Variants in ARHGEF12 observed in about 807,000 individuals in gnomAD.
The protein encoded by ARHGEF12 is KMT2A/ARHGEF12 fusion protein.
In ARHGEF12, 66 loss-of-function variants were observed where a neutral mutation model predicts 211.2. That is an observed-to-expected ratio of 0.31 (90% confidence interval 0.26 to 0.38). The LOEUF is 0.38. ARHGEF12 is among the 10% of genes least tolerant of loss of function. The pLI, the probability that ARHGEF12 is intolerant of heterozygous loss-of-function variation, is 1.00. For synonymous variants in ARHGEF12, 592 were observed against 638.4 expected, an observed-to-expected ratio of 0.93 and a Z score of 1.09; for missense variants, 1,429 against 1,869.5, an observed-to-expected ratio of 0.76 and a Z score of 4.34.
intron 1 of ARHGEF12, among the ~76,000 whole-genome samples, chr11:120,400,663 T>G (rs1944527681): frequency 6.6e-6 from 1 of 152,236 alleles, no homozygotes; most frequent in Non-Finnish European, 1.5e-5. Context: ...ACATTAATTG[T>G]GAGCTGCATT....
At chr11:120,404,940 G>C (rs1158297130) in intron 1 of ARHGEF12, among the ~76,000 whole-genome samples, 1 of 152,138 alleles carries the variant, frequency 6.6e-6, no homozygotes, top group Non-Finnish European at 1.5e-5. Flanking sequence ...TTGTTCTCTA[G>C]AGCAGTGTCA....
At position 120,489,852 on chromosome 11, in the gene ARHGEF12, C is replaced by T. The variant is rs912479537; in HGVS notation, c.*4775C>T. ...AGATACAGATACATATCTGGTGGAA[C>T]AAAGAAATACCTGTACCATTCCCAC... On this transcript the variant is annotated 3_prime_UTR_variant, in exon 41 of 41. Coordinates refer to ENST00000397843, the MANE Select transcript of ARHGEF12 (RefSeq NM_015313.3). 2 of 185,294 alleles carry T rather than the reference C, an allele frequency of 1.1e-5. No homozygotes were observed. Among genetic ancestry groups the T allele is most frequent in the African/African-American group, 4.7e-5 (2 of 42,606 alleles). The allele number at this position is 185,294 out of a possible 1,614,324, so 11.5% of individuals were successfully genotyped here.
intron 3 of ARHGEF12, 105 bp from the exon 4 acceptor site, chr11:120,409,289 C>A: frequency 1.8e-6 from 2 of 1,124,928 alleles, no homozygotes; most frequent in South Asian, 1.4e-5. Context: ...TGTGTTTGCA[C>A]GATTTAACTT....
intron 39 of ARHGEF12, among the ~76,000 whole-genome samples, chr11:120,482,843 T>G (rs963370339): frequency 6.6e-6 from 1 of 152,194 alleles, no homozygotes; most frequent in Non-Finnish European, 1.5e-5. Context: ...AGGGGTAGAT[T>G]TAAGTATCCT....
intron 4 of ARHGEF12, among the ~76,000 whole-genome samples, chr11:120,419,018 G>C (rs1945107634): frequency 1.3e-5 from 2 of 151,180 alleles, no homozygotes; most frequent in Admixed American, 1.3e-4. Flanking sequence ...CTGTCGCCCA[G>C]GCTGGACCCG....
In ARHGEF12 at chr11:120,427,921, G is replaced by T. The variant is rs976653533; in HGVS notation, c.407-148G>T. The T allele has an allele frequency of 2.2e-5, 13 of 585,086 alleles. No individual in the cohort carries two copies. The Middle Eastern group carries it at 1.6e-3, about 71-fold the overall frequency. The allele number at this position is 585,086 out of a possible 1,614,324, so 36.2% of individuals were successfully genotyped here. On this transcript the variant is annotated intron_variant, in intron 7 of 40. Transcript: ENST00000397843. ...AAATGACAAATTAGTTTTTTTTTCT[G>T]TGGAGACATGATGTAGCAGATGATG...
At chr11:120,363,213 T>C (rs1943327940) in intron 1 of ARHGEF12, among the ~76,000 whole-genome samples, 1 of 152,266 alleles carries the variant, frequency 6.6e-6, no homozygotes, top group Non-Finnish European at 1.5e-5. Context: ...GAATGGTTTT[T>C]AATTATTTCC....
rs1479602550 is a variant in ARHGEF12, at chr11:120,346,703, T to C, written c.32+9428T>C. Among the ~76,000 whole-genome samples, 4 of 152,076 alleles carry C rather than the reference T, an allele frequency of 2.6e-5. No individual in the cohort carries two copies. The East Asian group carries it at 5.8e-4, about 22-fold the overall frequency. On this transcript the variant is annotated intron_variant, in intron 1 of 40. Coordinates refer to ENST00000397843, the MANE Select transcript of ARHGEF12 (RefSeq NM_015313.3). ...TTATTTGGAGTCTATGAAAGTTTCT[T>C]TTTTTTTAGTGGGAAATTCAAACAT... is the stretch of plus-strand genomic sequence containing the variant.
intron 1 of ARHGEF12, among the ~76,000 whole-genome samples, chr11:120,353,857 G>A (rs1943061428): frequency 6.6e-6 from 1 of 152,144 alleles, no homozygotes; most frequent in Non-Finnish European, 1.5e-5. Flanking sequence ...ACCTGTTTAT[G>A]CATTTCAATT....
In ARHGEF12 at chr11:120,449,196, C is replaced by T. The variant is rs1051039253; in HGVS notation, c.1825C>T (p.Arg609Cys). Residue 609 changes from arginine (R) to cysteine (C), a missense_variant, in exon 21 of 41, where the codon CGT becomes TGT. Physicochemically the swap from Arg to Cys is radical, Grantham distance 180. Around this residue, in one of 7 missense-constraint regions of ARHGEF12, gnomAD observed 373 missense variants for 467.5 expected, o/e 0.80. Transcript: ENST00000397843. ...CCTGGGACCCCCACGGAGACCAAGC[C>T]GTCATGACAACAGTGCAAGTATGTT... ...SILGPPRRPS[R>C]HDNSAIGRAM... is the part of the protein sequence containing the mutation. 3 of 1,613,902 alleles carry T rather than the reference C, an allele frequency of 1.9e-6. No individual in the cohort carries two copies. The highest frequency in any genetic ancestry group is 1.7e-6 in the Non-Finnish European group (2 of 1,179,970).
In ARHGEF12 at chr11:120,367,353, C is replaced by CTTTTTTTTTTTT. The variant is rs1025919456; in HGVS notation, c.32+30097_32+30108dup. ...AAAAAATCTGTTAGGATACTTTTTC[C>CTTTTTTTTTTTT]TTTTTTTTTTTTTTTTTTTTTTTTT... On this transcript the variant is annotated intron_variant, in intron 1 of 40. Transcript: ENST00000397843. Among the ~76,000 whole-genome samples the CTTTTTTTTTTTT allele has an allele frequency of 7.7e-3, 459 of 59,346 alleles. 119 individuals are homozygous for CTTTTTTTTTTTT. Among genetic ancestry groups the CTTTTTTTTTTTT allele is most frequent in the African/African-American group, 0.024 (308 of 12,944 alleles). The allele number at this position is 59,346 out of a possible 152,430, so 38.9% of individuals were successfully genotyped here. A position where few individuals can be genotyped will look rare whatever the true frequency, so the allele number is the denominator to read the frequency against.
rs59459827 is a variant in ARHGEF12, at chr11:120,446,198, AAATAATAATAAT to A, written c.1346-176_1346-165del. Among the ~76,000 whole-genome samples the A allele has an allele frequency of 1.6e-3, 230 of 140,346 alleles. 2 individuals are homozygous for A. In the East Asian group the frequency reaches 0.021, roughly 13 times the overall value. 92.1% of individuals were successfully genotyped at this position (140,346 alleles called of 152,430 possible). ...GGGCAACAGAGCAAGACTCCATCTC[AAATAATAATAAT>A]AATAATAATAATAATAATAATAATA... On this transcript the variant is annotated intron_variant, in intron 16 of 40. Coordinates refer to ENST00000397843, the MANE Select transcript of ARHGEF12 (RefSeq NM_015313.3).
intron 11 of ARHGEF12, among the ~76,000 whole-genome samples, chr11:120,434,575 A>G (rs1945641056): frequency 6.6e-6 from 1 of 152,108 alleles, no homozygotes; most frequent in South Asian, 2.1e-4. Flanking sequence ...GCGGTTTTAC[A>G]TTTTATCTTT....
chr11:120,472,716 G>A (rs768524723), intron 30 of ARHGEF12, among the ~76,000 whole-genome samples: 4 of 151,826 alleles, frequency 2.6e-5, no homozygotes, highest in Non-Finnish European at 5.9e-5. Flanking sequence ...GTGCAGTGGC[G>A]TGATCTCGGC....
intron 26 of ARHGEF12, 84 bp downstream of exon 26, chr11:120,459,404 A>G (rs1411833899): frequency 5.1e-6 from 7 of 1,385,178 alleles, no homozygotes; most frequent in East Asian, 2.3e-5. Context: ...AAATGTACCC[A>G]TGTTAGTATT....
At chr11:120,347,132 T>TTTCTTTCCTTCC (rs1942759011) in intron 1 of ARHGEF12, among the ~76,000 whole-genome samples, 2 of 115,604 alleles carry the variant, frequency 1.7e-5, no homozygotes, top group Admixed American at 1.7e-4. Flanking sequence ...TCTTTCTTTC[T>TTTCTTTCCTTCC]TTCCTTCCTT....
At chr11:120,437,671 A>G (rs1945734993) in intron 12 of ARHGEF12, among the ~76,000 whole-genome samples, 1 of 152,178 alleles carries the variant, frequency 6.6e-6, no homozygotes, top group Non-Finnish European at 1.5e-5. Flanking sequence ...TTGTGCGACC[A>G]TCACTGCCAA....
chr11:120,446,574 G>T, intron 17 of ARHGEF12, 66 bp downstream of exon 17: 3 of 1,287,436 alleles, frequency 2.3e-6, no homozygotes, highest in Non-Finnish European at 3.3e-6. Context: ...TTAAGAAAAA[G>T]TTGCTCATTA....
chr11:120,358,129 T>C (rs1476433301), intron 1 of ARHGEF12, among the ~76,000 whole-genome samples: 1 of 152,124 alleles, frequency 6.6e-6, no homozygotes, highest in East Asian at 1.9e-4. Context: ...AAAGATTCTT[T>C]CGGTGGTAGC....
Sources: gnomAD v4.1 joint callset for allele counts (sites outside exome capture counted in the v4.1 genomes callset) on GRCh38, gnomAD v4.1.1 for gene constraint, gnomAD v4.1.1 regional missense constraint, MANE v1.5 for transcripts, NCBI Gene and HGNC (gene_info 2026-07-23, HGNC 2026-07-21) for gene names.